Variants in THUMPD2 observed in about 807,000 individuals in gnomAD.
THUMPD2 encodes U6 snRNA (guanine-N(2))-methyltransferase THUMPD2.
THUMPD2 carries 56 observed loss-of-function variants against 49.4 expected under a neutral mutation model. The ratio of observed to expected loss-of-function variants is 1.13; its 90% CI spans 0.91 to 1.41. The LOEUF is 1.41. Ranked by LOEUF, THUMPD2 falls within the 40% of genes most tolerant of loss-of-function variation. The pLI is 0.00. For missense variants in THUMPD2, 709 were observed against 594.5 expected, an observed-to-expected ratio of 1.19 and a Z score of -2.00; for synonymous variants, 237 against 205.2, an observed-to-expected ratio of 1.15 and a Z score of -1.32.
At chr2:39,769,206 A>C (rs957947562) in intron 3 of THUMPD2, 1 of 694,244 alleles carries the variant, frequency 1.4e-6, no homozygotes, top group African/African-American at 1.9e-5. Flanking sequence ...AGATTTAAGG[A>C]AATTTTTAGG....
In THUMPD2 at chr2:39,769,817, ATTC is replaced by A. The variant is rs138819745; in HGVS notation, c.562_564del (p.Glu188del). On this transcript the variant is annotated inframe_deletion, in exon 3 of 10. Transcript: ENST00000505747. ...ATTGCTTTCTCTATGTCATTCTGAA[ATTC>A]TTCTTCTTGAAACTTTTCGCTTTTA... 6,983 of 1,611,754 alleles carry A rather than the reference ATTC, an allele frequency of 4.3e-3. 265 individuals carry two copies. The African/African-American group carries it at 0.083, about 19-fold the overall frequency.
At chr2:39,770,582 A>AT (rs1558537343) in intron 2 of THUMPD2, among the ~76,000 whole-genome samples, 1 of 152,134 alleles carries the variant, frequency 6.6e-6, no homozygotes, top group East Asian at 1.9e-4. Context: ...ATTAATAAGT[A>AT]TATTATAATG....
chr2:39,743,580 G>A (rs1242093114), intron 9 of THUMPD2, among the ~76,000 whole-genome samples: 1 of 152,146 alleles, frequency 6.6e-6, no homozygotes, highest in African/African-American at 2.4e-5. Flanking sequence ...CCCTCCCTGT[G>A]AGGGGTGATA....
intron 3 of THUMPD2, chr2:39,768,712 T>A: frequency 1.5e-6 from 1 of 663,796 alleles, no homozygotes; most frequent in Non-Finnish European, 2.5e-6. Flanking sequence ...GTACACCCCA[T>A]GGCATTAATG....
chr2:39,736,891 C>G lies in THUMPD2; in HGVS notation c.1356G>C (p.Lys452Asn). The change falls in exon 10 of 10, where the codon AAG (lysine) becomes AAC (asparagine). Residue 452 changes from lysine to asparagine, a missense_variant. Transcript: ENST00000505747. ...LNPEEKTGAF[K>N]TASTSFEASN... ...TGGCTTCGAATGAAGTTGACGCTGT[C>G]TTGAATGCACCAGTTTTTTCTTCAG... The G allele has an allele frequency of 6.2e-7, 1 of 1,614,208 alleles. No individual in the cohort carries two copies. The highest frequency in any genetic ancestry group is 8.5e-7 in the Non-Finnish European group (1 of 1,180,030).
intron 8 of THUMPD2, among the ~76,000 whole-genome samples, chr2:39,752,386 T>TGTAA (rs1675526953): frequency 2.0e-5 from 3 of 152,342 alleles, no homozygotes; most frequent in Admixed American, 6.5e-5. Flanking sequence ...AGTCGGTAAG[T>TGTAA]GTTCTTAATT....
intron 1 of THUMPD2, among the ~76,000 whole-genome samples, chr2:39,773,209 A>C (rs578011916): frequency 6.6e-6 from 1 of 152,222 alleles, no homozygotes; most frequent in East Asian, 1.9e-4. Context: ...CAAAGTTTCA[A>C]AAAGTAAATT....
chr2:39,764,573 A>C (rs1445093480), intron 5 of THUMPD2, among the ~76,000 whole-genome samples: 2 of 152,204 alleles, frequency 1.3e-5, no homozygotes. Flanking sequence ...ACTTAGGACA[A>C]ATTTTTATGT....
intron 5 of THUMPD2, 114 bp from the exon 6 acceptor site, chr2:39,761,532 A>G (rs1676822314): frequency 1.4e-5 from 13 of 961,728 alleles, no homozygotes; most frequent in Middle Eastern, 2.6e-4. Context: ...AACATACACT[A>G]AAGTATTCCC....
At chr2:39,756,107 A>G (rs1252981716) in intron 6 of THUMPD2, 147 bp from the exon 7 acceptor site, 1 of 668,196 alleles carries the variant, frequency 1.5e-6, no homozygotes, top group Non-Finnish European at 2.5e-6. Flanking sequence ...GGTTCAGGGG[A>G]GGGTTTTTAT....
rs747354266 is a variant in THUMPD2, at chr2:39,779,122, C to G, written c.118G>C (p.Ala40Pro). The change falls in exon 1 of 10, where the codon GCC (alanine) becomes CCC (proline). Residue 40 changes from alanine (A) to proline (P), a missense_variant. By Grantham distance (27) the Ala-to-Pro change is conservative. Coordinates refer to ENST00000505747, the MANE Select transcript of THUMPD2 (RefSeq NM_025264.5). ...VMREVRARLA[A>P]TQVEYISGKV... ...CAGCGAGGCCAACTCACCTGCGTGG[C>G]CGCCAGCCGCGCCCGCACCTCTCGC... The G allele has an allele frequency of 6.0e-6, 9 of 1,510,632 alleles. No homozygotes were observed. Among genetic ancestry groups the G allele is most frequent in the African/African-American group, 1.4e-5 (1 of 69,298 alleles). 93.6% of individuals were successfully genotyped at this position (1,510,632 alleles called of 1,614,324 possible). A position where few individuals can be genotyped will look rare whatever the true frequency, so the allele number is the denominator to read the frequency against.
At chr2:39,769,207 A>C in intron 3 of THUMPD2, 1 of 673,772 alleles carries the variant, frequency 1.5e-6, no homozygotes, top group South Asian at 2.2e-5. Context: ...GATTTAAGGA[A>C]ATTTTTAGGC....
At position 39,771,637 on chromosome 2, in the gene THUMPD2, C is replaced by G; in HGVS notation, c.130G>C (p.Glu44Gln). Residue 44 changes from glutamate (E) to glutamine (Q), a missense_variant, in exon 2 of 10, where the codon GAA becomes CAA. By Grantham distance (29) the Glu-to-Gln change is conservative. Coordinates refer to ENST00000505747, the MANE Select transcript of THUMPD2 (RefSeq NM_025264.5). ...VRARLAATQV[E>Q]YISGKVFFTT... is the part of the protein sequence containing the mutation. Reference sequence around the variant, plus strand: ...AAAAAAACCTTTCCTGAAATATATTCAACCTAGAAATAGAAAAACAGCTTT... The same window carrying G: ...AAAAAAACCTTTCCTGAAATATATTGAACCTAGAAATAGAAAAACAGCTTT... 6.2e-7 allele frequency: 1 copy of G among 1,601,490 alleles called. No homozygotes were observed. Among genetic ancestry groups the G allele is most frequent in the Non-Finnish European group, 8.5e-7 (1 of 1,176,544 alleles).
intron 9 of THUMPD2, among the ~76,000 whole-genome samples, chr2:39,739,461 C>G (rs1673604979): frequency 1.3e-5 from 2 of 152,186 alleles, no homozygotes; most frequent in African/African-American, 4.8e-5. Context: ...GTAGCCACTA[C>G]TTTTCTCTCA....
At chr2:39,768,295 G>C in intron 4 of THUMPD2, 129 bp downstream of exon 4, 1 of 735,940 alleles carries the variant, frequency 1.4e-6, no homozygotes, top group East Asian at 2.7e-5. Context: ...AGATAAAATG[G>C]ACTGTTGGAT....
intron 9 of THUMPD2, among the ~76,000 whole-genome samples, chr2:39,743,336 A>G (rs548195522): frequency 6.6e-5 from 10 of 152,210 alleles, no homozygotes; most frequent in Non-Finnish European, 1.5e-4. Flanking sequence ...AGAAAAATGC[A>G]TATCCATGAC....
intron 3 of THUMPD2, 123 bp from the exon 4 acceptor site, chr2:39,768,624 G>T: frequency 1.2e-6 from 1 of 822,950 alleles, no homozygotes; most frequent in Non-Finnish European, 1.9e-6. Flanking sequence ...GTAATTTAGA[G>T]TTCTGATATT....
At chr2:39,768,129 G>A (rs991794917) in intron 4 of THUMPD2, among the ~76,000 whole-genome samples, 1 of 152,054 alleles carries the variant, frequency 6.6e-6, no homozygotes, top group Non-Finnish European at 1.5e-5. Flanking sequence ...GTATTATAGA[G>A]ACTATAGAGA....
chr2:39,760,857 C>A (rs779317143), intron 6 of THUMPD2, among the ~76,000 whole-genome samples: 5 of 151,994 alleles, frequency 3.3e-5, no homozygotes, highest in Non-Finnish European at 5.9e-5. Context: ...CATAAAAATG[C>A]AAAAACTTAA....
Sources: allele counts gnomAD v4.1 joint callset (sites outside exome capture counted in the v4.1 genomes callset), GRCh38; gene constraint gnomAD v4.1.1; transcripts MANE v1.5; gene names NCBI Gene and HGNC (gene_info 2026-07-23, HGNC 2026-07-21).